Variants in CAMTA1 observed in about 807,000 individuals in gnomAD.
CAMTA1 encodes the protein calmodulin-binding transcription activator 1.
CAMTA1 carries 27 observed loss-of-function variants against 170.9 expected under a neutral mutation model. The observed-to-expected ratio is 0.16, with a 90% CI of 0.12 to 0.22. CAMTA1 has a LOEUF of 0.22. Ranked by LOEUF, CAMTA1 falls within the 10% of genes least tolerant of loss-of-function variation. The pLI is 1.00. For synonymous variants in CAMTA1, 833 were observed against 891.5 expected (o/e 0.93, Z 1.17); for missense variants, 1,619 against 2,217.2 (o/e 0.73, Z 5.42).
In CAMTA1 at chr1:7,522,594, T is replaced by C. The variant is rs891334987; in HGVS notation, c.510+54693T>C. The stretch of plus-strand genomic sequence containing the variant: ...CCAAATACTTTCTCTTGTGTTTTTC[T>C]ACAAGTATTATAATTTTACATTTAA... On this transcript the variant is annotated intron_variant, in intron 6 of 22. Coordinates refer to ENST00000303635, the MANE Select transcript of CAMTA1 (RefSeq NM_015215.4). 3.3e-5 allele frequency among the ~76,000 whole-genome samples: 5 copies of C among 152,254 alleles called. No homozygotes were observed. In the East Asian group the frequency reaches 9.6e-4, roughly 29 times the overall value.
intron 5 of CAMTA1, among the ~76,000 whole-genome samples, chr1:7,407,535 T>G (rs889568732): frequency 6.6e-6 from 1 of 152,130 alleles, no homozygotes; most frequent in African/African-American, 2.4e-5. Flanking sequence ...TTGAGGGAGT[T>G]GGTTCCCTGT....
chr1:7,091,283 C>T, intron 3 of CAMTA1, 21 bp from the exon 4 acceptor site: 3 of 1,567,744 alleles, frequency 1.9e-6, no homozygotes, highest in Non-Finnish European at 2.6e-6. Context: ...TTGTTATTAT[C>T]TTTTTATTCT....
rs192192377 is a variant in CAMTA1 at position 7,522,358 on chromosome 1, T to C, written c.510+54457T>C. ...TAATGGAATTGCTTGTTTTTACTGT[T>C]GAATTTTGAGAGTTTGTTATTATAT... On this transcript the variant is annotated intron_variant, in intron 6 of 22. Transcript: ENST00000303635. Among the ~76,000 whole-genome samples, 395 of 152,346 alleles carry C rather than the reference T, an allele frequency of 2.6e-3. 1 individual carries two copies. The highest frequency in any genetic ancestry group is 9.0e-3 in the African/African-American group (373 of 41,578).
chr1:7,559,365 G>C lies in CAMTA1; in HGVS notation c.511-81035G>C, dbSNP rs371161713. ...GCTGACCCTCCTGCCTCCTGGCCCTGGACGGCCACAGCACCTCTTGCCCTC... is the reference window on the plus strand; with the variant it reads ...GCTGACCCTCCTGCCTCCTGGCCCTCGACGGCCACAGCACCTCTTGCCCTC... On this transcript the variant is annotated intron_variant, in intron 6 of 22. Coordinates refer to ENST00000303635, the MANE Select transcript of CAMTA1 (RefSeq NM_015215.4). Among the ~76,000 whole-genome samples, 546 of 152,298 alleles carry C rather than the reference G, an allele frequency of 3.6e-3. 4 individuals carry two copies. Among genetic ancestry groups the C allele is most frequent in the African/African-American group, 0.013 (529 of 41,564 alleles).
chr1:6,924,431 C>T (rs968539357), intron 3 of CAMTA1, among the ~76,000 whole-genome samples: 1 of 152,098 alleles, frequency 6.6e-6, no homozygotes, highest in African/African-American at 2.4e-5. Context: ...CAGTGGTGCC[C>T]ACCCCACCCC....
Position 7,249,264 on chromosome 1 carries a change from C to A in CAMTA1, c.303-227C>A, listed in dbSNP as rs1253435793. On this transcript the variant is annotated intron_variant, in intron 4 of 22. Coordinates refer to ENST00000303635, the MANE Select transcript of CAMTA1 (RefSeq NM_015215.4). The surrounding 1 kb of genome is among the most constrained non-coding windows in gnomAD (Gnocchi z 4.4). Reference sequence around the variant, plus strand: ...TATTACTGAGGGGATGTTTTTTAAGCCTATCATTGACACATTTAATTCATT... The same window carrying A: ...TATTACTGAGGGGATGTTTTTTAAGACTATCATTGACACATTTAATTCATT... 6.6e-6 allele frequency among the ~76,000 whole-genome samples: 1 copy of A among 152,130 alleles called. No homozygotes were observed. Among genetic ancestry groups the A allele is most frequent in the Admixed American group, 6.5e-5 (1 of 15,268 alleles).
intron 5 of CAMTA1, among the ~76,000 whole-genome samples, chr1:7,271,285 C>T (rs1669759993): frequency 6.6e-6 from 1 of 152,028 alleles, no homozygotes; most frequent in South Asian, 2.1e-4. Context: ...ACCTACAAGC[C>T]GGGAAGAAAA....
intron 16 of CAMTA1, among the ~76,000 whole-genome samples, chr1:7,743,433 C>A (rs1400999424): frequency 6.6e-6 from 1 of 152,106 alleles, no homozygotes; most frequent in Non-Finnish European, 1.5e-5. Context: ...TAGTCCCTTT[C>A]TAGAACACTT....
intron 3 of CAMTA1, among the ~76,000 whole-genome samples, chr1:6,875,842 A>G (rs915708167): frequency 6.6e-6 from 1 of 152,362 alleles, no homozygotes; most frequent in East Asian, 1.9e-4. Flanking sequence ...TCAGAAATAC[A>G]GGAAGTTTAT....
intron 5 of CAMTA1, among the ~76,000 whole-genome samples, chr1:7,395,756 T>A (rs1165999918): frequency 1.3e-5 from 2 of 152,140 alleles, no homozygotes; most frequent in African/African-American, 2.4e-5. Flanking sequence ...CTTATATCAA[T>A]TTTTTTATAG....
At chr1:6,854,015 G>A (rs1661340869) in intron 3 of CAMTA1, among the ~76,000 whole-genome samples, 1 of 152,142 alleles carries the variant, frequency 6.6e-6, no homozygotes, top group African/African-American at 2.4e-5. Context: ...TATCAGTAAG[G>A]ACATAGAAGA....
chr1:7,147,921 GCACA>G lies in CAMTA1; in HGVS notation c.302+56557_302+56560del, dbSNP rs200159424. On this transcript the variant is annotated intron_variant, in intron 4 of 22. Coordinates refer to ENST00000303635, the MANE Select transcript of CAMTA1 (RefSeq NM_015215.4). ...ATGCACACACACACTCATACACCAT[GCACA>G]CACACAAACTCATATACCATGCACA... 4.0e-3 allele frequency among the ~76,000 whole-genome samples: 432 copies of G among 107,876 alleles called. 2 individuals carry two copies. The highest frequency in any genetic ancestry group is 0.015 in the African/African-American group (416 of 26,978). 70.8% of individuals were successfully genotyped at this position (107,876 alleles called of 152,430 possible). A position where few individuals can be genotyped will look rare whatever the true frequency, so the allele number is the denominator to read the frequency against.
chr1:7,658,622 A>T (rs1002523297), intron 7 of CAMTA1, among the ~76,000 whole-genome samples: 2 of 152,108 alleles, frequency 1.3e-5, no homozygotes, highest in Admixed American at 1.3e-4. Flanking sequence ...CTGTAAAATG[A>T]GTCTGGAAAT....
At chr1:6,857,433 C>T (rs1169129151) in intron 3 of CAMTA1, among the ~76,000 whole-genome samples, 3 of 152,192 alleles carry the variant, frequency 2.0e-5, no homozygotes, top group Admixed American at 6.5e-5. Flanking sequence ...TTTGGATTTG[C>T]AGATGAAGAA....
At chr1:7,338,417 G>C (rs952790180) in intron 5 of CAMTA1, among the ~76,000 whole-genome samples, 1 of 152,234 alleles carries the variant, frequency 6.6e-6, no homozygotes, top group African/African-American at 2.4e-5. Context: ...TTTGAGTACA[G>C]ACTGTGCACC....
intron 3 of CAMTA1, among the ~76,000 whole-genome samples, chr1:6,928,091 C>T (rs1443770754): frequency 6.6e-6 from 1 of 152,184 alleles, no homozygotes; most frequent in African/African-American, 2.4e-5. Flanking sequence ...CAGGACCCAG[C>T]CACCAGCGCT....
chr1:7,094,947 G>C (rs983080820), intron 4 of CAMTA1, among the ~76,000 whole-genome samples: 29 of 152,088 alleles, frequency 1.9e-4, no homozygotes, highest in African/African-American at 6.8e-4. Context: ...GGAAAGAAGA[G>C]TGTCCTCTGT....
rs182149663 is a variant in CAMTA1, at chr1:7,173,857, A to C, written c.303-75634A>C. Among the ~76,000 whole-genome samples the C allele has an allele frequency of 2.4e-4, 36 of 152,206 alleles. No individual in the cohort carries two copies. The highest frequency in any genetic ancestry group is 6.3e-4 in the African/African-American group (26 of 41,514). On this transcript the variant is annotated intron_variant, in intron 4 of 22. Coordinates refer to ENST00000303635, the MANE Select transcript of CAMTA1 (RefSeq NM_015215.4). This position sits in a 1 kb window ranked among gnomAD's most constrained non-coding sequence, Gnocchi z 5.4. Reference sequence around the variant, plus strand: ...CCCCAGCAGAACTTAGCAGAACCCAAAAAGGCCCAGTGGAACCCAGGGGAC... The same window carrying C: ...CCCCAGCAGAACTTAGCAGAACCCACAAAGGCCCAGTGGAACCCAGGGGAC...
chr1:7,432,727 C>G (rs1008057948), intron 5 of CAMTA1, among the ~76,000 whole-genome samples: 1 of 152,258 alleles, frequency 6.6e-6, no homozygotes, highest in African/African-American at 2.4e-5. Flanking sequence ...GTCTGAGCTC[C>G]ACTCAGTTGA....
Sources: allele counts gnomAD v4.1 joint callset (sites outside exome capture counted in the v4.1 genomes callset), GRCh38; gene constraint gnomAD v4.1.1; non-coding constraint Gnocchi (gnomAD v3.1); transcripts MANE v1.5; gene names NCBI Gene and HGNC (gene_info 2026-07-23, HGNC 2026-07-21).